The following KCNA6 variants were observed in gnomAD, a reference collection of about 807,000 sequenced individuals.
The protein encoded by KCNA6 is potassium voltage-gated channel subfamily A member 6.
A neutral mutation model predicts 29.5 loss-of-function variants in KCNA6; 17 were observed. That is an observed-to-expected ratio of 0.58 (90% confidence interval 0.39 to 0.86). The LOEUF (loss-of-function observed/expected upper bound fraction) is 0.86, where lower values mean the gene tolerates loss of function less well. Among genes scored for constraint, KCNA6 ranks in the 40% least tolerant of loss-of-function variants. The pLI, the probability that KCNA6 is intolerant of heterozygous loss-of-function variation, is 0.00. For synonymous variants in KCNA6, 296 were observed against 304.7 expected (o/e 0.97, Z 0.30); for missense variants, 450 against 703.4 (o/e 0.64, Z 4.07).
chr12:4,839,239 C>G, the KCNA6 span: 1 of 152,240 alleles, frequency 6.6e-6, no homozygotes, highest in Non-Finnish European at 1.5e-5. Flanking sequence ...GGATTTTCTT[C>G]TGCTTCTGCC....
chr12:4,817,785 T>C (rs1034673464), downstream of KCNA6, among the ~76,000 whole-genome samples: 20 of 152,216 alleles, frequency 1.3e-4, no homozygotes, highest in African/African-American at 4.8e-4. Flanking sequence ...TCATCATTGT[T>C]ACTCTAAAGA....
the KCNA6 span, among the ~76,000 whole-genome samples, chr12:4,846,765 CTTT>C: frequency 3.9e-4 from 39 of 100,662 alleles, no homozygotes; most frequent in East Asian, 3.9e-3. Context: ...TGGAACACCT[CTTT>C]TTTTTTTTTT....
the KCNA6 span, among the ~76,000 whole-genome samples, chr12:4,833,428 A>G: frequency 6.6e-6 from 1 of 152,160 alleles, no homozygotes; most frequent in African/African-American, 2.4e-5. Context: ...AGCCTGGAGT[A>G]TCCCTCTTGA....
At chr12:4,843,250 G>A in the KCNA6 span, among the ~76,000 whole-genome samples, 10 of 150,844 alleles carry the variant, frequency 6.6e-5, no homozygotes, top group South Asian at 8.4e-4. Flanking sequence ...GCGCGATCTC[G>A]GCTCACTGCA....
chr12:4,814,164 C>T (rs1946659589), downstream of KCNA6: 3 of 167,120 alleles, frequency 1.8e-5, no homozygotes. The surrounding 1 kb of genome is among the most constrained non-coding windows in gnomAD (Gnocchi z 4.6). Flanking sequence ...AGTTTCCCCA[C>T]CCAGTCATTG....
At chr12:4,829,624 G>A in the KCNA6 span, among the ~76,000 whole-genome samples, 1 of 151,792 alleles carries the variant, frequency 6.6e-6, no homozygotes, top group African/African-American at 2.4e-5. Flanking sequence ...TTTGAAAAAA[G>A]TACCACTTCC....
the KCNA6 span, among the ~76,000 whole-genome samples, chr12:4,843,237 G>A: frequency 2.0e-5 from 3 of 150,788 alleles, no homozygotes; most frequent in Admixed American, 2.0e-4. Flanking sequence ...CTGGAGTGCA[G>A]TGGCGCGATC....
At chr12:4,839,856 C>T in the KCNA6 span, among the ~76,000 whole-genome samples, 1 of 152,180 alleles carries the variant, frequency 6.6e-6, no homozygotes, top group Admixed American at 6.6e-5. Context: ...CAGAGGAGGC[C>T]ACCAAGCAAT....
At chr12:4,845,850 C>G in the KCNA6 span, among the ~76,000 whole-genome samples, 31 of 152,282 alleles carry the variant, frequency 2.0e-4, no homozygotes, top group African/African-American at 7.2e-4. Context: ...TTCCTCATCC[C>G]TATCTTGCAT....
the KCNA6 span, among the ~76,000 whole-genome samples, chr12:4,847,269 A>C: frequency 1.3e-5 from 2 of 152,124 alleles, no homozygotes; most frequent in African/African-American, 2.4e-5. Flanking sequence ...ATGTAGGTCT[A>C]TCTTTATCCA....
At chr12:4,820,244 T>G in the KCNA6 span, among the ~76,000 whole-genome samples, 1 of 152,174 alleles carries the variant, frequency 6.6e-6, no homozygotes, top group South Asian at 2.1e-4. Flanking sequence ...TGAATATATC[T>G]TGGAAGAATA....
chr12:4,820,365 G>A, the KCNA6 span, among the ~76,000 whole-genome samples: 921 of 147,542 alleles, frequency 6.2e-3, 7 homozygotes, highest in Non-Finnish European at 0.01. Flanking sequence ...ATTGCAGAGG[G>A]TCACAGATGG....
the KCNA6 span, among the ~76,000 whole-genome samples, chr12:4,848,681 T>C: frequency 6.6e-6 from 1 of 151,956 alleles, no homozygotes. Flanking sequence ...ATTACAGGCA[T>C]GCACCACCAC....
At chr12:4,813,505 C>G (rs2137577686), downstream of KCNA6, 1 of 167,238 alleles carries the variant, frequency 6.0e-6, no homozygotes, top group South Asian at 2.1e-4. Flanking sequence ...CATTGGCTCC[C>G]TAAATCCCTC....
the KCNA6 span, among the ~76,000 whole-genome samples, chr12:4,836,544 T>C: frequency 6.6e-6 from 1 of 152,086 alleles, no homozygotes; most frequent in African/African-American, 2.4e-5. Context: ...AAGAATAGGA[T>C]GCTGTGTTCA....
chr12:4,849,487 C>CTTTT, the KCNA6 span, among the ~76,000 whole-genome samples: 1 of 104,942 alleles, frequency 9.5e-6, no homozygotes, highest in African/African-American at 3.8e-5. Flanking sequence ...GAGATTTTTG[C>CTTTT]TCTTTTTTTT....
Position 4,811,818 on chromosome 12 carries a change from G to A in KCNA6, c.*187G>A. ...TTGCTTAATCCCTGCAGCATTCAAG[G>A]TTAATCCATCTAAGTGACATTTTTG... On this transcript the variant is annotated 3_prime_UTR_variant, in exon 1 of 1. Coordinates refer to ENST00000280684, the Ensembl canonical transcript of KCNA6. The surrounding 1 kb of genome is among the most constrained non-coding windows in gnomAD (Gnocchi z 7.1). The A allele has an allele frequency of 1.5e-6, 1 of 664,038 alleles. No homozygotes were observed. Among genetic ancestry groups the A allele is most frequent in the Non-Finnish European group, 2.6e-6 (1 of 391,998 alleles). The allele number at this position is 664,038 out of a possible 1,614,324, so 41.1% of individuals were successfully genotyped here. A position where few individuals can be genotyped will look rare whatever the true frequency, so the allele number is the denominator to read the frequency against.
chr12:4,849,037 T>C, the KCNA6 span, among the ~76,000 whole-genome samples: 22 of 97,434 alleles, frequency 2.3e-4, no homozygotes, highest in East Asian at 4.6e-3. Flanking sequence ...GGAGAATCAT[T>C]TGAACCCCGG....
At chr12:4,820,305 C>T in the KCNA6 span, among the ~76,000 whole-genome samples, 1 of 152,042 alleles carries the variant, frequency 6.6e-6, no homozygotes, top group African/African-American at 2.4e-5. Flanking sequence ...TTGTTTCCAG[C>T]CAAACTAGAA....
Sources: allele counts gnomAD v4.1 joint callset (sites outside exome capture counted in the v4.1 genomes callset), GRCh38; gene constraint gnomAD v4.1.1; non-coding constraint Gnocchi (gnomAD v3.1); transcripts MANE v1.5; gene names NCBI Gene and HGNC (gene_info 2026-07-23, HGNC 2026-07-21).